Variants in WDR45B observed in about 807,000 individuals in gnomAD.
WDR45B encodes the protein WD repeat domain 45B.
A neutral mutation model predicts 44.6 loss-of-function variants in WDR45B; 20 were observed. That is an observed-to-expected ratio of 0.45 (90% confidence interval 0.32 to 0.65). The LOEUF (loss-of-function observed/expected upper bound fraction) is 0.65, where lower values mean the gene tolerates loss of function less well. Ranked by LOEUF, WDR45B falls within the 30% of genes least tolerant of loss-of-function variation. The probability of loss-of-function intolerance (pLI) is 0.05; values close to 1 mark genes in which losing one functional copy is unlikely to be tolerated. For synonymous variants in WDR45B, 169 were observed against 164.9 expected, an observed-to-expected ratio of 1.02 and a Z score of -0.19; for missense variants, 323 against 430.2, an observed-to-expected ratio of 0.75 and a Z score of 2.20.
chr17:82,628,053 C>T (rs941068411), intron 3 of WDR45B, among the ~76,000 whole-genome samples: 6 of 152,256 alleles, frequency 3.9e-5, no homozygotes, highest in Admixed American at 2.0e-4. Context: ...AGTGCGGTGG[C>T]GCAATCTTGG....
At chr17:82,638,529 TAAAA>T (rs1598276669) in intron 2 of WDR45B, among the ~76,000 whole-genome samples, 1 of 151,486 alleles carries the variant, frequency 6.6e-6, no homozygotes, top group African/African-American at 2.4e-5. Context: ...AAGAAACTAA[TAAAA>T]GAAAATGGGG....
intron 2 of WDR45B, among the ~76,000 whole-genome samples, chr17:82,640,065 C>T (rs2045893802): frequency 7.2e-6 from 1 of 138,286 alleles, no homozygotes; most frequent in South Asian, 2.4e-4. Context: ...GGTTGGACAA[C>T]ACTGCCCCCC....
In WDR45B at chr17:82,615,790, A is replaced by G. The variant is rs536846498; in HGVS notation, c.*129T>C. ...TCCTTAGGAAAGCAGACAACCACGT[A>G]TGGCTTCGAGACCAAGGTCCCTGGG... On this transcript the variant is annotated 3_prime_UTR_variant, in exon 10 of 10. Transcript: ENST00000392325. 5.7e-4 allele frequency: 456 copies of G among 805,582 alleles called. 2 individuals carry two copies. The highest frequency in any genetic ancestry group is 4.4e-3 in the South Asian group (321 of 72,454). The allele number at this position is 805,582 out of a possible 1,614,324, so 49.9% of individuals were successfully genotyped here.
intron 7 of WDR45B, among the ~76,000 whole-genome samples, chr17:82,618,455 C>T (rs2045569609): frequency 6.6e-6 from 1 of 152,188 alleles, no homozygotes; most frequent in Non-Finnish European, 1.5e-5. Flanking sequence ...TCCAGCATTG[C>T]CTTAAACACA....
At position 82,623,400 on chromosome 17, in the gene WDR45B, A is replaced by G. The variant is rs567462963; in HGVS notation, c.428-1601T>C. On this transcript the variant is annotated intron_variant, in intron 5 of 9. Coordinates refer to ENST00000392325, the MANE Select transcript of WDR45B (RefSeq NM_019613.4). Reference sequence around the variant, plus strand: ...AGACTCTATCTCCAAAAAAAAAAAAAAAACAAACAAAAAAAATGGGGCTGG... The same window carrying G: ...AGACTCTATCTCCAAAAAAAAAAAAGAAACAAACAAAAAAAATGGGGCTGG... 8.5e-3 allele frequency among the ~76,000 whole-genome samples: 1,270 copies of G among 149,042 alleles called. 8 individuals carry two copies. Among genetic ancestry groups the G allele is most frequent in the South Asian group, 0.03 (138 of 4,672 alleles).
intron 3 of WDR45B, among the ~76,000 whole-genome samples, chr17:82,630,616 C>T (rs1281308003): frequency 1.3e-5 from 2 of 152,198 alleles, no homozygotes; most frequent in Admixed American, 6.6e-5. Flanking sequence ...AAAAATCCTT[C>T]TACCTTGCTT....
intron 4 of WDR45B, chr17:82,626,888 A>G: frequency 4.9e-6 from 2 of 407,604 alleles, no homozygotes; most frequent in South Asian, 4.9e-5. Flanking sequence ...AAGGCTCAAA[A>G]CTCATGTCCT....
chr17:82,619,817 T>C (rs1386553602), intron 6 of WDR45B, among the ~76,000 whole-genome samples: 1 of 152,142 alleles, frequency 6.6e-6, no homozygotes, highest in East Asian at 1.9e-4. Flanking sequence ...AGGAGCCAGC[T>C]TGTGGGGGAC....
At chr17:82,624,302 C>T (rs952220019) in intron 5 of WDR45B, among the ~76,000 whole-genome samples, 1 of 152,264 alleles carries the variant, frequency 6.6e-6, no homozygotes, top group Non-Finnish European at 1.5e-5. Context: ...CACTCTGTCG[C>T]CCAGGCGGGA....
chr17:82,648,423 T>C lies in WDR45B; in HGVS notation c.-83A>G, dbSNP rs1198442451. ...CGGCCTGGTCCCTTCGGGCCGGCGC[T>C]GAGGCCGCCGCGGCCGGAAGTGCCG... On this transcript the variant is annotated 5_prime_UTR_variant, in exon 1 of 10. Transcript: ENST00000392325. 2.0e-6 allele frequency: 3 copies of C among 1,524,542 alleles called. No individual in the cohort carries two copies. Among genetic ancestry groups the C allele is most frequent in the African/African-American group, 2.8e-5 (2 of 70,180 alleles). The allele number at this position is 1,524,542 out of a possible 1,614,324, so 94.4% of individuals were successfully genotyped here. A position where few individuals can be genotyped will look rare whatever the true frequency, so the allele number is the denominator to read the frequency against.
At chr17:82,624,761 G>A (rs1205350404) in intron 5 of WDR45B, among the ~76,000 whole-genome samples, 1 of 149,836 alleles carries the variant, frequency 6.7e-6, no homozygotes, top group African/African-American at 2.5e-5. Flanking sequence ...TGGGACTACA[G>A]GTGCCCGCCA....
At chr17:82,618,174 C>G (rs1424448508) in intron 7 of WDR45B, among the ~76,000 whole-genome samples, 1 of 152,238 alleles carries the variant, frequency 6.6e-6, no homozygotes, top group African/African-American at 2.4e-5. Context: ...AGGTGATCCA[C>G]CTGCCTCAGC....
chr17:82,640,038 C>A lies in WDR45B; in HGVS notation c.142+3911G>T, dbSNP rs149465139. Among the ~76,000 whole-genome samples the A allele has an allele frequency of 2.7e-4, 33 of 123,884 alleles. No individual in the cohort carries two copies. The East Asian group carries it at 6.8e-3, about 26-fold the overall frequency. The allele number at this position is 123,884 out of a possible 152,430, so 81.3% of individuals were successfully genotyped here. On this transcript the variant is annotated intron_variant, in intron 2 of 9. Coordinates refer to ENST00000392325, the MANE Select transcript of WDR45B (RefSeq NM_019613.4). ...ACCTGGGTGTACAATGGATGCAGGA[C>A]CTATGTCGGGGAGCAGGGTTGGACA...
chr17:82,630,594 CTCTG>C (rs1199255340), intron 3 of WDR45B, among the ~76,000 whole-genome samples: 1 of 152,092 alleles, frequency 6.6e-6, no homozygotes, highest in Non-Finnish European at 1.5e-5. Context: ...GTCAATGGCT[CTCTG>C]TAAGAAAAAA....
At chr17:82,641,723 C>T (rs1237016979) in intron 2 of WDR45B, among the ~76,000 whole-genome samples, 1 of 152,060 alleles carries the variant, frequency 6.6e-6, no homozygotes, top group Non-Finnish European at 1.5e-5. Context: ...AGTGAAACAC[C>T]GTCTCTACCA....
chr17:82,630,908 A>C lies in WDR45B; in HGVS notation c.244+13T>G. 1 of 1,610,124 alleles carries C rather than the reference A, an allele frequency of 6.2e-7. No homozygotes were observed. Among genetic ancestry groups the C allele is most frequent in the South Asian group, 1.1e-5 (1 of 90,970 alleles). ...CACGTGAGGCATGATTCTTCAATAC[A>C]CAATTACAGTACCTTTGTTGGGAGG... On this transcript the variant is annotated intron_variant, in intron 3 of 9. Coordinates refer to ENST00000392325, the MANE Select transcript of WDR45B (RefSeq NM_019613.4).
At position 82,621,701 on chromosome 17, in the gene WDR45B, T is replaced by C; in HGVS notation, c.526A>G (p.Lys176Glu). 6.2e-7 allele frequency: 1 copy of C among 1,614,146 alleles called. No homozygotes were observed. Among genetic ancestry groups the C allele is most frequent in the Non-Finnish European group, 8.5e-7 (1 of 1,180,028 alleles). The change falls in exon 6 of 10, where the codon AAG becomes GAG. Residue 176 changes from lysine (K) to glutamate (E), a missense_variant. Lys to Glu is a moderately conservative substitution (Grantham distance 56). Transcript: ENST00000392325. ...TGTGCAGGAATGTCCACGGGTGGCT[T>C]CTCCGTGCTGGCCAGGTCCACAAGC... ...VQLVDLASTE[K>E]PPVDIPAHEG... is the part of the protein sequence containing the mutation.
intron 2 of WDR45B, among the ~76,000 whole-genome samples, chr17:82,642,035 T>C (rs1251012755): frequency 2.0e-5 from 3 of 151,972 alleles, no homozygotes; most frequent in Non-Finnish European, 2.9e-5. Flanking sequence ...GCTGAACACA[T>C]GGAAGGTTCT....
chr17:82,637,134 C>T (rs567722375), intron 2 of WDR45B, among the ~76,000 whole-genome samples: 1 of 152,130 alleles, frequency 6.6e-6, no homozygotes, highest in Non-Finnish European at 1.5e-5. Flanking sequence ...CTTCACAGCA[C>T]TGAGCATTTA....
Sources: gnomAD v4.1 joint callset for allele counts (sites outside exome capture counted in the v4.1 genomes callset) on GRCh38, gnomAD v4.1.1 for gene constraint, MANE v1.5 for transcripts, NCBI Gene and HGNC (gene_info 2026-07-23, HGNC 2026-07-21) for gene names.